MEDAG: variants seen among roughly 807,000 people sequenced by gnomAD.
MEDAG encodes the protein mesenteric estrogen-dependent adipogenesis protein.
Under a neutral mutation model 29.9 loss-of-function variants are expected in MEDAG, and 25 were observed. That is an observed-to-expected ratio of 0.84 (90% CI 0.61 to 1.17). The LOEUF (loss-of-function observed/expected upper bound fraction) is 1.17. MEDAG is among the 50% of genes most tolerant of loss of function. The pLI is 0.00. For synonymous variants in MEDAG, 158 were observed against 148.2 expected, an observed-to-expected ratio of 1.07 and a Z score of -0.48; for missense variants, 398 against 372.9, an observed-to-expected ratio of 1.07 and a Z score of -0.56.
chr13:30,914,449 G>A (rs118070484), intron 1 of MEDAG, among the ~76,000 whole-genome samples: 12 of 152,308 alleles, frequency 7.9e-5, no homozygotes, highest in Admixed American at 2.6e-4. Flanking sequence ...ACTGTGATGA[G>A]GTTTACAGCC....
Position 30,906,371 on chromosome 13 carries a change from C to A in MEDAG, c.-145C>A. The A allele has an allele frequency of 1.2e-6, 1 of 858,970 alleles. No homozygotes were observed. The highest frequency in any genetic ancestry group is 1.6e-6 in the Non-Finnish European group (1 of 632,240). The allele number at this position is 858,970 out of a possible 1,614,324, so 53.2% of individuals were successfully genotyped here. A position where few individuals can be genotyped will look rare whatever the true frequency, so the allele number is the denominator to read the frequency against. ...CACCTGAGCGGCCACCGCGTCCCGG[C>A]CAGGCGGGCAGACCGACCCCCTCCT... On this transcript the variant is annotated 5_prime_UTR_variant, in exon 1 of 5. Transcript: ENST00000380482.
intron 1 of MEDAG, among the ~76,000 whole-genome samples, chr13:30,912,133 C>G (rs1952887484): frequency 6.6e-6 from 1 of 152,162 alleles, no homozygotes; most frequent in Non-Finnish European, 1.5e-5. Flanking sequence ...TTTACACACA[C>G]TAAGTGTCAA....
chr13:30,907,102 C>T (rs1952838595), intron 1 of MEDAG, among the ~76,000 whole-genome samples: 1 of 152,212 alleles, frequency 6.6e-6, no homozygotes, highest in South Asian at 2.1e-4. Context: ...GATGCTTCTC[C>T]CATTCTGGCT....
At chr13:30,914,640 G>A (rs923487476) in intron 1 of MEDAG, among the ~76,000 whole-genome samples, 5 of 152,166 alleles carry the variant, frequency 3.3e-5, no homozygotes, top group African/African-American at 1.2e-4. Flanking sequence ...CTGTGACCAT[G>A]CCAAATACCT....
chr13:30,920,922 G>C (rs1952977295), intron 2 of MEDAG, 92 bp from the exon 3 acceptor site: 1 of 939,296 alleles, frequency 1.1e-6, no homozygotes, highest in East Asian at 2.6e-5. Flanking sequence ...AATCTTCAAA[G>C]GAGGTGGGAA....
intron 2 of MEDAG, among the ~76,000 whole-genome samples, chr13:30,918,273 G>T (rs1339692951): frequency 2.0e-5 from 3 of 152,232 alleles, no homozygotes; most frequent in African/African-American, 7.2e-5. Flanking sequence ...ACTTTGTAGG[G>T]CTTATCAATT....
chr13:30,918,296 A>G (rs1048671717), intron 2 of MEDAG, among the ~76,000 whole-genome samples: 9 of 152,220 alleles, frequency 5.9e-5, no homozygotes, highest in Non-Finnish European at 8.8e-5. Context: ...GGACGTTATG[A>G]ACATGAACAT....
chr13:30,906,822 C>T (rs773691049), intron 1 of MEDAG, 29 bp downstream of exon 1: 22 of 1,432,648 alleles, frequency 1.5e-5, no homozygotes, highest in African/African-American at 1.2e-4. Context: ...CGCCCTGGCC[C>T]GTCGCCTGGT....
In MEDAG at chr13:30,917,425, T is replaced by G; in HGVS notation, c.301T>G (p.Cys101Gly). 1.2e-6 allele frequency: 2 copies of G among 1,605,986 alleles called. No individual in the cohort carries two copies. The highest frequency in any genetic ancestry group is 1.7e-6 in the Non-Finnish European group (2 of 1,172,600). Residue 101 changes from cysteine to glycine, a missense_variant, in exon 2 of 5, where the codon TGT (cysteine) becomes GGT (glycine). Physicochemically the swap from Cys to Gly is radical, Grantham distance 159. Coordinates refer to ENST00000380482, the MANE Select transcript of MEDAG (RefSeq NM_032849.4). ...TAGGTATGTGGAACTGACCAACTAC[T>G]GTGATTATAAAGACTACAGGGAAAC... is the stretch of plus-strand genomic sequence containing the variant. Reference protein sequence around the residue: ...IKRYVELTNYCDYKDYRETIL... With the variant: ...IKRYVELTNYGDYKDYRETIL...
At chr13:30,924,285 T>C (rs771867109) in intron 4 of MEDAG, 26 bp from the exon 5 acceptor site, 4 of 1,598,178 alleles carry the variant, frequency 2.5e-6, no homozygotes, top group East Asian at 2.3e-5. Flanking sequence ...ATGGTAATAA[T>C]GCATGCTTTG....
At chr13:30,915,266 A>G (rs565874198) in intron 1 of MEDAG, among the ~76,000 whole-genome samples, 1 of 152,264 alleles carries the variant, frequency 6.6e-6, no homozygotes, top group South Asian at 2.1e-4. Flanking sequence ...TAAATATTCA[A>G]TATGTAGAAG....
At chr13:30,916,681 G>T (rs1211800310) in intron 1 of MEDAG, 1 of 152,240 alleles carries the variant, frequency 6.6e-6, no homozygotes, top group African/African-American at 2.4e-5. Context: ...TATGAACAAT[G>T]CTGACAGGGA....
At position 30,924,486 on chromosome 13, in the gene MEDAG, C is replaced by T; in HGVS notation, c.*51C>T. 1 of 1,563,172 alleles carries T rather than the reference C, an allele frequency of 6.4e-7. No individual in the cohort carries two copies. The highest frequency in any genetic ancestry group is 8.7e-7 in the Non-Finnish European group (1 of 1,152,550). On this transcript the variant is annotated 3_prime_UTR_variant, in exon 5 of 5. Coordinates refer to ENST00000380482, the MANE Select transcript of MEDAG (RefSeq NM_032849.4). ...TCCCGCACTCCAGGCCTGTGCTAGACTATAGGCTGGGGGGAGGGTAGGAGG... is the reference window on the plus strand; with the variant it reads ...TCCCGCACTCCAGGCCTGTGCTAGATTATAGGCTGGGGGGAGGGTAGGAGG...
At chr13:30,917,326 T>A in intron 1 of MEDAG, 77 bp from the exon 2 acceptor site, 1 of 869,572 alleles carries the variant, frequency 1.1e-6, no homozygotes, top group Non-Finnish European at 2.0e-6. Flanking sequence ...CTGTGGCAGA[T>A]ACCTGTCCAG....
At chr13:30,910,392 A>G (rs1051207719) in intron 1 of MEDAG, among the ~76,000 whole-genome samples, 1 of 152,202 alleles carries the variant, frequency 6.6e-6, no homozygotes, top group Non-Finnish European at 1.5e-5. Flanking sequence ...GGTGTAAAGT[A>G]TTTCACAGCT....
At chr13:30,916,397 T>C (rs1952929353) in intron 1 of MEDAG, 2 of 152,238 alleles carry the variant, frequency 1.3e-5, no homozygotes, top group African/African-American at 4.8e-5. Flanking sequence ...CTTGGAGCTG[T>C]CTCTGCTGAT....
intron 1 of MEDAG, among the ~76,000 whole-genome samples, 185 bp from the exon 2 acceptor site, chr13:30,917,218 G>A (rs540007864): frequency 5.8e-4 from 89 of 152,298 alleles, no homozygotes; most frequent in African/African-American, 1.6e-3. Context: ...TGGGCTGCAC[G>A]CTGATCCTTG....
intron 1 of MEDAG, among the ~76,000 whole-genome samples, chr13:30,912,295 C>A (rs565137881): frequency 1.3e-5 from 2 of 152,216 alleles, no homozygotes; most frequent in South Asian, 4.2e-4. Flanking sequence ...GAGATTAGGG[C>A]GAGACTCTGT....
intron 1 of MEDAG, among the ~76,000 whole-genome samples, chr13:30,910,053 A>G (rs2138115345): frequency 6.6e-6 from 1 of 152,160 alleles, no homozygotes; most frequent in East Asian, 1.9e-4. Flanking sequence ...TATTTTTATT[A>G]TTTTCTTTCA....
Sources: allele counts gnomAD v4.1 joint callset (sites outside exome capture counted in the v4.1 genomes callset), GRCh38; gene constraint gnomAD v4.1.1; transcripts MANE v1.5; gene names NCBI Gene and HGNC (gene_info 2026-07-23, HGNC 2026-07-21).